The following ATG7 variants were observed in gnomAD, a reference collection of about 807,000 sequenced individuals.
ATG7 encodes autophagy related 7.
Under a neutral mutation model 82.4 loss-of-function variants are expected in ATG7, and 70 were observed. The observed-to-expected ratio is 0.85, with a 90% CI of 0.70 to 1.04. The LOEUF is 1.04. ATG7 is among the 50% of genes least tolerant of loss of function. The pLI, the probability that ATG7 is intolerant of heterozygous loss-of-function variation, is 0.00. For synonymous variants in ATG7, 287 were observed against 313.0 expected (o/e 0.92, Z 0.88); for missense variants, 792 against 864.3 (o/e 0.92, Z 1.05).
chr3:11,384,820 G>A (rs1355231309), intron 19 of ATG7, among the ~76,000 whole-genome samples: 1 of 151,952 alleles, frequency 6.6e-6, no homozygotes, highest in Non-Finnish European at 1.5e-5. Flanking sequence ...AATTGGCCAG[G>A]TGTGGTGGCC....
intron 20 of ATG7, 29 bp from the exon 21 acceptor site, chr3:11,554,782 C>G (rs764762596): frequency 2.9e-5 from 47 of 1,612,184 alleles, no homozygotes; most frequent in Non-Finnish European, 3.7e-5. Flanking sequence ...TGGGACATCT[C>G]GGCTGAGCCT....
the ATG7 span, chr3:11,568,528 G>A: frequency 6.5e-7 from 1 of 1,541,534 alleles, no homozygotes; most frequent in African/African-American, 1.4e-5. This position sits in a 1 kb window ranked among gnomAD's most constrained non-coding sequence, Gnocchi z 5.9. Flanking sequence ...CTATGGGTCA[G>A]ACAAAGACAC....
chr3:11,461,537 A>T (rs1463808887), intron 20 of ATG7, among the ~76,000 whole-genome samples: 1 of 152,198 alleles, frequency 6.6e-6, no homozygotes, highest in Non-Finnish European at 1.5e-5. Flanking sequence ...ATGGTCTAAG[A>T]TCACAGTGAA....
At chr3:11,296,353 A>T (rs1945912782) in intron 3 of ATG7, among the ~76,000 whole-genome samples, 1 of 151,890 alleles carries the variant, frequency 6.6e-6, no homozygotes, top group African/African-American at 2.4e-5. Flanking sequence ...GTGGCTTGAC[A>T]CCCCAAGAGC....
intron 5 of ATG7, among the ~76,000 whole-genome samples, chr3:11,300,554 T>C (rs1276308023): frequency 1.3e-5 from 2 of 152,198 alleles, no homozygotes; most frequent in Non-Finnish European, 1.5e-5. Context: ...GAGATGACAG[T>C]GTCTGCTAGA....
chr3:11,398,534 T>A (rs1157870171), intron 19 of ATG7, among the ~76,000 whole-genome samples: 1 of 152,158 alleles, frequency 6.6e-6, no homozygotes, highest in Non-Finnish European at 1.5e-5. Flanking sequence ...ATTAAAAAAA[T>A]TATACCAAAA....
At chr3:11,529,317 CAAT>C (rs2092648501) in intron 20 of ATG7, among the ~76,000 whole-genome samples, 1 of 152,094 alleles carries the variant, frequency 6.6e-6, no homozygotes, top group Non-Finnish European at 1.5e-5. Flanking sequence ...AGGAAAAATC[CAAT>C]AACATTTAGG....
the ATG7 span, among the ~76,000 whole-genome samples, chr3:11,570,870 T>C: frequency 6.6e-6 from 1 of 152,200 alleles, no homozygotes; most frequent in Non-Finnish European, 1.5e-5. Context: ...CTCATCACCG[T>C]GGCTTCTCTC....
intron 19 of ATG7, among the ~76,000 whole-genome samples, chr3:11,399,452 A>G (rs2079606720): frequency 6.6e-6 from 1 of 152,222 alleles, no homozygotes; most frequent in African/African-American, 2.4e-5. Context: ...GATTTAGGTG[A>G]AAAATTATGA....
At chr3:11,573,700 T>C in the ATG7 span, among the ~76,000 whole-genome samples, 1 of 152,286 alleles carries the variant, frequency 6.6e-6, no homozygotes, top group South Asian at 2.1e-4. Flanking sequence ...ACCAGCGCAG[T>C]TGAGCATCTT....
chr3:11,447,129 C>T (rs1246833707), intron 20 of ATG7, among the ~76,000 whole-genome samples: 2 of 152,194 alleles, frequency 1.3e-5, no homozygotes, highest in African/African-American at 4.8e-5. Flanking sequence ...ACCCTGGTTA[C>T]AAGTGATAGA....
intron 20 of ATG7, among the ~76,000 whole-genome samples, chr3:11,482,109 C>T (rs983181643): frequency 2.6e-5 from 4 of 152,222 alleles, no homozygotes; most frequent in South Asian, 2.1e-4. Flanking sequence ...TGCCCCGGTT[C>T]CTTCTCTCAT....
At chr3:11,554,599 T>C (rs1325495364) in intron 20 of ATG7, among the ~76,000 whole-genome samples, 1 of 152,148 alleles carries the variant, frequency 6.6e-6, no homozygotes, top group Non-Finnish European at 1.5e-5. Flanking sequence ...AGCCCTCCCC[T>C]GTTGGTTCCA....
intron 17 of ATG7, 96 bp from the exon 18 acceptor site, chr3:11,364,563 T>G (rs1428713238): frequency 6.5e-6 from 9 of 1,384,532 alleles, no homozygotes; most frequent in Non-Finnish European, 9.2e-6. Context: ...GGCATTTTAG[T>G]TATCCTTATG....
intron 15 of ATG7, among the ~76,000 whole-genome samples, chr3:11,360,106 C>T (rs563035144): frequency 1.4e-4 from 21 of 152,294 alleles, no homozygotes; most frequent in African/African-American, 2.9e-4. Flanking sequence ...AGTGCAGTGG[C>T]GGAATCTCGG....
chr3:11,535,506 TA>T (rs753882244), intron 20 of ATG7, among the ~76,000 whole-genome samples: 61 of 151,910 alleles, frequency 4.0e-4, no homozygotes, highest in Non-Finnish European at 8.4e-4. Context: ...TTTGATGGAT[TA>T]GGGGGAGGTG....
intron 20 of ATG7, among the ~76,000 whole-genome samples, chr3:11,485,524 G>A (rs1169316394): frequency 1.3e-5 from 2 of 152,132 alleles, no homozygotes; most frequent in African/African-American, 4.8e-5. Context: ...TTCTTTTGCT[G>A]TGCAGAAGCT....
chr3:11,309,685 TACAC>T (rs146228476), intron 7 of ATG7, among the ~76,000 whole-genome samples: 7 of 151,540 alleles, frequency 4.6e-5, no homozygotes, highest in African/African-American at 1.7e-4. Context: ...CGTGTGTGCG[TACAC>T]ACACACACAG....
chr3:11,452,058 TAATGGGTACTG>T (rs1172224240), intron 20 of ATG7, among the ~76,000 whole-genome samples: 1 of 151,944 alleles, frequency 6.6e-6, no homozygotes. Flanking sequence ...GAGAGACTAC[TAATGGGTACTG>T]GGCTTCTTTT....
Sources: gnomAD v4.1 joint callset for allele counts (sites outside exome capture counted in the v4.1 genomes callset) on GRCh38, gnomAD v4.1.1 for gene constraint, Gnocchi (gnomAD v3.1) non-coding constraint, MANE v1.5 for transcripts, NCBI Gene and HGNC (gene_info 2026-07-23, HGNC 2026-07-21) for gene names.